The following SEH1L variants were observed in gnomAD, a reference collection of about 807,000 sequenced individuals.
SEH1L encodes nucleoporin SEH1.
A neutral mutation model predicts 49.5 loss-of-function variants in SEH1L; 18 were observed. The ratio of observed to expected loss-of-function variants is 0.36; its 90% confidence interval spans 0.25 to 0.54. The LOEUF is 0.54. Among genes scored for constraint, SEH1L ranks in the 20% least tolerant of loss-of-function variants. SEH1L has a pLI of 0.87. For synonymous variants in SEH1L, 169 were observed against 178.1 expected (o/e 0.95, Z 0.41); for missense variants, 404 against 528.8 (o/e 0.76, Z 2.31).
intron 4 of SEH1L, among the ~76,000 whole-genome samples, chr18:12,966,666 T>C (rs1031357479): frequency 2.0e-5 from 3 of 152,128 alleles, no homozygotes; most frequent in African/African-American, 7.2e-5. Context: ...CCTCCCAAAG[T>C]GCTGAGATTA....
chr18:12,983,945 G>T, intron 7 of SEH1L, 95 bp from the exon 8 acceptor site: 1 of 861,084 alleles, frequency 1.2e-6, no homozygotes, highest in South Asian at 2.5e-5. Context: ...CCTCTGTCTC[G>T]TTTCTTTAAT....
At chr18:12,981,849 C>CTTTTTTTTTTTTTTTTTTTTTTTT (rs1467685892) in intron 6 of SEH1L, among the ~76,000 whole-genome samples, 2 of 102,526 alleles carry the variant, frequency 2.0e-5, no homozygotes, top group African/African-American at 4.6e-5. Context: ...CTGCCCTGCC[C>CTTTTTTTTTTTTTTTTTTTTTTTT]ATTTTTTTTT....
chr18:12,958,656 T>C (rs2031022458), intron 3 of SEH1L, among the ~76,000 whole-genome samples: 1 of 152,236 alleles, frequency 6.6e-6, no homozygotes, highest in South Asian at 2.1e-4. Flanking sequence ...TCATGGTCTG[T>C]CCATTTTGTA....
intron 3 of SEH1L, among the ~76,000 whole-genome samples, chr18:12,959,451 G>T (rs1568213809): frequency 6.6e-6 from 1 of 152,194 alleles, no homozygotes; most frequent in Non-Finnish European, 1.5e-5. Flanking sequence ...AGAGTGCTGG[G>T]ATTACAGGTG....
chr18:12,981,614 G>C (rs1163473531), intron 6 of SEH1L, among the ~76,000 whole-genome samples: 1 of 152,158 alleles, frequency 6.6e-6, no homozygotes, highest in African/African-American at 2.4e-5. Context: ...AAGGGGAATT[G>C]AGTCAAGAGC....
chr18:12,962,459 C>CTTTTTTTTTTTTTTTTTTTTT lies in SEH1L; in HGVS notation c.310-695_310-675dup, dbSNP rs3070220. On this transcript the variant is annotated intron_variant, in intron 3 of 8. Transcript: ENST00000399892. ...TTGAGAGAAGAAATTGCATGCCTTT[C>CTTTTTTTTTTTTTTTTTTTTT]TTTTTTTTTTTTTTTTTTTTTTTTT... 5.2e-4 allele frequency among the ~76,000 whole-genome samples: 33 copies of CTTTTTTTTTTTTTTTTTTTTT among 63,654 alleles called. 7 individuals are homozygous for CTTTTTTTTTTTTTTTTTTTTT. Among genetic ancestry groups the CTTTTTTTTTTTTTTTTTTTTT allele is most frequent in the East Asian group, 2.3e-3 (4 of 1,736 alleles). The allele number at this position is 63,654 out of a possible 152,430, so 41.8% of individuals were successfully genotyped here.
chr18:12,972,906 C>T (rs961907197), intron 5 of SEH1L: 31 of 149,412 alleles, frequency 2.1e-4, no homozygotes, highest in African/African-American at 7.2e-4. Context: ...AGCCCAAAAA[C>T]GTAAAAGGTG....
At chr18:12,985,303 A>G (rs2032419652) in intron 8 of SEH1L, 5 of 1,595,184 alleles carry the variant, frequency 3.1e-6, no homozygotes, top group Non-Finnish European at 3.4e-6. Flanking sequence ...TTGCATGCAC[A>G]CAGGAATGGA....
chr18:12,969,957 A>G (rs1185023290), intron 4 of SEH1L, among the ~76,000 whole-genome samples: 2 of 152,298 alleles, frequency 1.3e-5, no homozygotes, highest in African/African-American at 4.8e-5. Flanking sequence ...ATTTACATCT[A>G]TTTGAATGGC....
At chr18:12,975,337 A>G (rs1003530259) in intron 5 of SEH1L, among the ~76,000 whole-genome samples, 5 of 152,026 alleles carry the variant, frequency 3.3e-5, no homozygotes, top group African/African-American at 9.7e-5. Flanking sequence ...TAAGAAAAAA[A>G]AAATCTCACT....
intron 1 of SEH1L, among the ~76,000 whole-genome samples, chr18:12,951,383 T>G (rs867961347): frequency 1.3e-5 from 2 of 152,106 alleles, no homozygotes; most frequent in Admixed American, 1.3e-4. Context: ...GCTTGACACA[T>G]TCAAGGTTCT....
chr18:12,985,022 T>A, intron 8 of SEH1L: 1 of 417,324 alleles, frequency 2.4e-6, no homozygotes, highest in Non-Finnish European at 4.2e-6. Context: ...CAATTTCAGG[T>A]TACCGTGGAA....
chr18:12,979,924 C>T (rs1168595971), intron 6 of SEH1L, among the ~76,000 whole-genome samples: 1 of 134,050 alleles, frequency 7.5e-6, no homozygotes. Context: ...GGCAGAGGGG[C>T]TCCTCACTTC....
At chr18:12,975,085 T>G (rs1191308784) in intron 5 of SEH1L, among the ~76,000 whole-genome samples, 2 of 149,122 alleles carry the variant, frequency 1.3e-5, no homozygotes, top group Non-Finnish European at 3.0e-5. Context: ...CTCCGCCCCC[T>G]GGGTTCAAGA....
intron 3 of SEH1L, among the ~76,000 whole-genome samples, chr18:12,960,778 G>A (rs1262159764): frequency 1.3e-5 from 2 of 152,146 alleles, no homozygotes; most frequent in African/African-American, 4.8e-5. Flanking sequence ...TTTGTATTTA[G>A]TTTAGTCATC....
chr18:12,965,015 T>TA (rs2031378301), intron 4 of SEH1L, among the ~76,000 whole-genome samples: 2 of 134,666 alleles, frequency 1.5e-5, no homozygotes, highest in South Asian at 5.3e-4. Context: ...CATTCTTTTT[T>TA]TTTTTTTTTT....
intron 6 of SEH1L, among the ~76,000 whole-genome samples, chr18:12,980,418 G>A (rs1376896588): frequency 2.6e-4 from 25 of 95,156 alleles, no homozygotes; most frequent in Non-Finnish European, 3.8e-4. Flanking sequence ...CCGGGCGGGG[G>A]GCTGACCCCC....
intron 3 of SEH1L, among the ~76,000 whole-genome samples, chr18:12,962,377 GAAAAAAA>G (rs540878226): frequency 2.8e-5 from 2 of 70,884 alleles, no homozygotes; most frequent in South Asian, 9.1e-4. Flanking sequence ...CTGTCCCTAA[GAAAAAAA>G]AAAAAATAAT....
chr18:12,955,690 T>C, intron 3 of SEH1L, 81 bp downstream of exon 3: 1 of 1,425,944 alleles, frequency 7.0e-7, no homozygotes, highest in South Asian at 1.2e-5. Context: ...CCTCAGATAA[T>C]TGGTAAAATA....
Sources: allele counts gnomAD v4.1 joint callset (sites outside exome capture counted in the v4.1 genomes callset), GRCh38; gene constraint gnomAD v4.1.1; transcripts MANE v1.5; gene names NCBI Gene and HGNC (gene_info 2026-07-23, HGNC 2026-07-21).